The following PDS5B variants were observed in gnomAD, a reference collection of about 807,000 sequenced individuals.
PDS5B encodes sister chromatid cohesion protein PDS5 homolog B.
PDS5B carries 51 observed loss-of-function variants against 184.1 expected under a neutral mutation model. The observed-to-expected ratio is 0.28, with a 90% CI of 0.22 to 0.35. PDS5B has a LOEUF of 0.35. PDS5B is among the 10% of genes least tolerant of loss of function. The pLI is 1.00. For missense variants in PDS5B, 1,180 were observed against 1,723.3 expected, an observed-to-expected ratio of 0.68 and a Z score of 5.58; for synonymous variants, 566 against 569.2, an observed-to-expected ratio of 0.99 and a Z score of 0.08.
At chr13:32,681,730 C>T (rs1593416005) in intron 10 of PDS5B, among the ~76,000 whole-genome samples, 1 of 151,906 alleles carries the variant, frequency 6.6e-6, no homozygotes, top group South Asian at 2.1e-4. Context: ...TACGTTTCTC[C>T]AGCTTCATTC....
intron 1 of PDS5B, among the ~76,000 whole-genome samples, chr13:32,646,362 T>C (rs113646986): frequency 0.012 from 1,346 of 108,708 alleles, 30 homozygotes; most frequent in African/African-American, 0.036. Context: ...TATTCTCTCA[T>C]GGCTGTGTTT....
intron 9 of PDS5B, among the ~76,000 whole-genome samples, chr13:32,677,559 A>G (rs1951105753): frequency 6.6e-6 from 1 of 152,158 alleles, no homozygotes; most frequent in Non-Finnish European, 1.5e-5. Context: ...TGTTTACCTG[A>G]GAAATGATAA....
chr13:32,702,188 G>T (rs993000054), intron 17 of PDS5B, among the ~76,000 whole-genome samples: 1 of 152,126 alleles, frequency 6.6e-6, no homozygotes, highest in African/African-American at 2.4e-5. Flanking sequence ...CTCAAACCCT[G>T]TTGGAGATGT....
intron 1 of PDS5B, among the ~76,000 whole-genome samples, chr13:32,630,575 C>T (rs1202176037): frequency 2.0e-5 from 3 of 152,130 alleles, no homozygotes; most frequent in Admixed American, 2.0e-4. Context: ...TTTAAAAAAT[C>T]CTTCAGAAAT....
intron 30 of PDS5B, among the ~76,000 whole-genome samples, chr13:32,764,103 G>A (rs1451052431): frequency 1.3e-5 from 2 of 152,078 alleles, no homozygotes; most frequent in Non-Finnish European, 2.9e-5. Flanking sequence ...TAATTATAGT[G>A]TGTTAGAGGG....
chr13:32,671,178 T>C (rs1156629489), intron 7 of PDS5B, among the ~76,000 whole-genome samples: 1 of 152,234 alleles, frequency 6.6e-6, no homozygotes, highest in East Asian at 1.9e-4. Flanking sequence ...CTCCTCTGTG[T>C]CAGGCACTGT....
intron 26 of PDS5B, 69 bp downstream of exon 26, chr13:32,756,025 G>T: frequency 1.3e-6 from 1 of 742,554 alleles, no homozygotes; most frequent in Non-Finnish European, 2.3e-6. Context: ...CTGATAATTG[G>T]ATCTCAATTA....
At chr13:32,663,686 A>AC (rs1950710890) in intron 6 of PDS5B, among the ~76,000 whole-genome samples, 1 of 152,132 alleles carries the variant, frequency 6.6e-6, no homozygotes, top group African/African-American at 2.4e-5. Flanking sequence ...AAAAAGGCAA[A>AC]CATGCTTTAA....
At chr13:32,736,812 C>T (rs966470401) in intron 21 of PDS5B, among the ~76,000 whole-genome samples, 1 of 151,958 alleles carries the variant, frequency 6.6e-6, no homozygotes, top group African/African-American at 2.4e-5. Context: ...ACTTTTCTGC[C>T]AGCCTCCTCA....
intron 26 of PDS5B, among the ~76,000 whole-genome samples, chr13:32,757,057 G>A (rs1453752522): frequency 6.6e-6 from 1 of 151,850 alleles, no homozygotes; most frequent in South Asian, 2.1e-4. Flanking sequence ...CCTGGGTGGT[G>A]GAGGTTGGCA....
intron 1 of PDS5B, among the ~76,000 whole-genome samples, chr13:32,595,200 A>T (rs2057842377): frequency 6.6e-6 from 1 of 152,144 alleles, no homozygotes; most frequent in African/African-American, 2.4e-5. Flanking sequence ...GGATGACATG[A>T]CTAGGTTTAT....
At chr13:32,652,528 A>G (rs1057407398) in intron 3 of PDS5B, 2 of 148,670 alleles carry the variant, frequency 1.3e-5, no homozygotes, top group African/African-American at 5.0e-5. Context: ...ACTTGAGTTC[A>G]TGAGTTTGAG....
intron 29 of PDS5B, 146 bp from the exon 30 acceptor site, chr13:32,760,429 T>C: frequency 1.5e-6 from 1 of 671,638 alleles, no homozygotes; most frequent in Non-Finnish European, 2.5e-6. Context: ...GATATTTAGT[T>C]TATACTTATT....
At chr13:32,639,602 A>G (rs1230645924) in intron 1 of PDS5B, among the ~76,000 whole-genome samples, 1 of 152,202 alleles carries the variant, frequency 6.6e-6, no homozygotes. Flanking sequence ...TTCTCGTAGG[A>G]AAAACTCCCA....
At chr13:32,709,322 G>A (rs1260372886) in intron 18 of PDS5B, among the ~76,000 whole-genome samples, 2 of 151,580 alleles carry the variant, frequency 1.3e-5, no homozygotes, top group Admixed American at 1.3e-4. Flanking sequence ...GGGGGCAAGG[G>A]GTCTAATTTG....
At chr13:32,677,742 T>TATA (rs1456605965) in intron 9 of PDS5B, among the ~76,000 whole-genome samples, 1 of 152,076 alleles carries the variant, frequency 6.6e-6, no homozygotes, top group African/African-American at 2.4e-5. Flanking sequence ...CCCACTCCTT[T>TATA]ATAATGCTAA....
At chr13:32,705,052 A>AGTAGTTCAGT (rs1593468492) in intron 17 of PDS5B, among the ~76,000 whole-genome samples, 1 of 152,126 alleles carries the variant, frequency 6.6e-6, no homozygotes, top group African/African-American at 2.4e-5. Flanking sequence ...CCTGGCTGTT[A>AGTAGTTCAGT]GTAGTTCAGT....
At chr13:32,595,129 C>A (rs1178054898) in intron 1 of PDS5B, among the ~76,000 whole-genome samples, 1 of 152,028 alleles carries the variant, frequency 6.6e-6, no homozygotes, top group African/African-American at 2.4e-5. Flanking sequence ...TCTTTAACAT[C>A]TTTCCAACTT....
intron 15 of PDS5B, among the ~76,000 whole-genome samples, chr13:32,697,942 T>C (rs1270659825): frequency 2.0e-5 from 3 of 152,154 alleles, no homozygotes; most frequent in Non-Finnish European, 4.4e-5. Context: ...GCTGAACTGC[T>C]GGCCTCAAGT....
Sources: gnomAD v4.1 joint callset for allele counts (sites outside exome capture counted in the v4.1 genomes callset) on GRCh38, gnomAD v4.1.1 for gene constraint, MANE v1.5 for transcripts, NCBI Gene and HGNC (gene_info 2026-07-23, HGNC 2026-07-21) for gene names.